The following GALNT2 variants were observed in gnomAD, a reference collection of about 807,000 sequenced individuals.
GALNT2 encodes UDP-GalNAc:polypeptide N-acetylgalactosaminyltransferase 2.
GALNT2 carries 31 observed loss-of-function variants against 81.4 expected under a neutral mutation model. The observed-to-expected ratio is 0.38, with a 90% CI of 0.29 to 0.51. The LOEUF (loss-of-function observed/expected upper bound fraction) is 0.51. Ranked by LOEUF, GALNT2 falls within the 20% of genes least tolerant of loss-of-function variation. The pLI is 0.87. For synonymous variants in GALNT2, 303 were observed against 287.4 expected (o/e 1.05, Z -0.55); for missense variants, 629 against 765.7 (o/e 0.82, Z 2.11).
At chr1:230,058,801 G>A (rs1658978175) in intron 1 of GALNT2, among the ~76,000 whole-genome samples, 1 of 152,126 alleles carries the variant, frequency 6.6e-6, no homozygotes, top group Non-Finnish European at 1.5e-5. Context: ...CGGGGTGTGG[G>A]GATTTTGAGC....
intron 3 of GALNT2, among the ~76,000 whole-genome samples, chr1:230,213,873 CTTG>C (rs1329446977): frequency 6.6e-6 from 1 of 152,162 alleles, no homozygotes; most frequent in Non-Finnish European, 1.5e-5. Context: ...CCTTTGTGCT[CTTG>C]TTGTCATTTA....
At chr1:230,260,668 A>G (rs942233210) in intron 11 of GALNT2, among the ~76,000 whole-genome samples, 19 of 152,232 alleles carry the variant, frequency 1.2e-4, no homozygotes, top group African/African-American at 4.6e-4. Flanking sequence ...AGGTTAAGGC[A>G]TAGGTCACTT....
chr1:230,077,792 G>A (rs1017963498), intron 1 of GALNT2, among the ~76,000 whole-genome samples: 1 of 152,204 alleles, frequency 6.6e-6, no homozygotes, highest in Non-Finnish European at 1.5e-5. Context: ...ATTGGTTCTG[G>A]ACTTTGAAGA....
chr1:230,107,610 T>TTGTGTGTGTGTGTGTGTG (rs3033608), intron 1 of GALNT2, among the ~76,000 whole-genome samples: 4,976 of 140,862 alleles, frequency 0.035, 95 homozygotes, highest in Middle Eastern at 0.099. Flanking sequence ...CTCATGGACT[T>TTGTGTGTGTGTGTGTGTG]TGTGTGTGTG....
At chr1:230,272,125 C>A (rs1011013348) in intron 14 of GALNT2, among the ~76,000 whole-genome samples, 2 of 152,120 alleles carry the variant, frequency 1.3e-5, no homozygotes, top group African/African-American at 4.8e-5. Flanking sequence ...GTTTTAGGAG[C>A]CTTGTGATTG....
At position 230,068,749 on chromosome 1, in the gene GALNT2, T is replaced by C. The variant is rs184088921; in HGVS notation, c.126+1343T>C. Reference sequence around the variant, plus strand: ...GTAAATTACGTGGATTTGTTTTATCTAGAAGGGCAGAAATAAAGCCCTCTT... The same window carrying C: ...GTAAATTACGTGGATTTGTTTTATCCAGAAGGGCAGAAATAAAGCCCTCTT... On this transcript the variant is annotated intron_variant, in intron 1 of 15. Transcript: ENST00000366672. Among the ~76,000 whole-genome samples, 3 of 152,332 alleles carry C rather than the reference T, an allele frequency of 2.0e-5. No homozygotes were observed. In the East Asian group the frequency reaches 5.8e-4, roughly 29 times the overall value.
intron 1 of GALNT2, among the ~76,000 whole-genome samples, chr1:230,091,083 T>TC (rs1553311699): frequency 1.3e-5 from 2 of 149,934 alleles, no homozygotes; most frequent in Non-Finnish European, 3.0e-5. Flanking sequence ...TTCTTTCTTT[T>TC]TTTTTTTGAG....
chr1:230,200,533 T>C (rs996661332), intron 2 of GALNT2, among the ~76,000 whole-genome samples: 9 of 152,224 alleles, frequency 5.9e-5, no homozygotes, highest in Non-Finnish European at 1.2e-4. Flanking sequence ...GCCCTGTGAA[T>C]GACTGGCATT....
chr1:230,264,447 C>T (rs1436720646), intron 13 of GALNT2: 3 of 152,278 alleles, frequency 2.0e-5, no homozygotes, highest in East Asian at 1.9e-4. Context: ...TGTAGTGACA[C>T]TGGGCCCCGC....
At chr1:230,255,452 A>ATT in intron 11 of GALNT2, 108 bp downstream of exon 11, 1 of 1,413,024 alleles carries the variant, frequency 7.1e-7, no homozygotes, top group Non-Finnish European at 9.8e-7. Flanking sequence ...GGTGTGGTGC[A>ATT]TTTATACAAT....
chr1:230,092,596 G>A (rs1006590223), intron 1 of GALNT2, among the ~76,000 whole-genome samples: 22 of 151,814 alleles, frequency 1.4e-4, no homozygotes, highest in Non-Finnish European at 2.5e-4. Context: ...TGCCTGCCTC[G>A]GCCTCCCAAA....
intron 1 of GALNT2, among the ~76,000 whole-genome samples, chr1:230,155,180 C>T (rs909981831): frequency 2.0e-5 from 3 of 152,152 alleles, no homozygotes; most frequent in Non-Finnish European, 2.9e-5. Context: ...TGTGTGAGAG[C>T]GTCACTTTCT....
At chr1:230,125,394 A>C (rs1035227501) in intron 1 of GALNT2, among the ~76,000 whole-genome samples, 1 of 152,234 alleles carries the variant, frequency 6.6e-6, no homozygotes, top group Non-Finnish European at 1.5e-5. Flanking sequence ...CCCCTCCCTC[A>C]GGAGTGTAGC....
rs1465127795 is a variant in GALNT2, at chr1:230,095,758, G to C, written c.126+28352G>C. Among the ~76,000 whole-genome samples, 7 of 152,346 alleles carry C rather than the reference G, an allele frequency of 4.6e-5. No individual in the cohort carries two copies. The East Asian group carries it at 1.2e-3, about 25-fold the overall frequency. The stretch of plus-strand genomic sequence containing the variant: ...GTGGTGCAGGCTCTGTCCTTGAGGG[G>C]CCTGGTAGCCCCACCTGGGTCCCCT... On this transcript the variant is annotated intron_variant, in intron 1 of 15. Transcript: ENST00000366672.
chr1:230,163,754 T>A (rs6666884), intron 1 of GALNT2, among the ~76,000 whole-genome samples: 1 of 152,118 alleles, frequency 6.6e-6, no homozygotes, highest in Non-Finnish European at 1.5e-5. Flanking sequence ...GTAAAATTAC[T>A]GTTTTCTGAA....
intron 1 of GALNT2, among the ~76,000 whole-genome samples, chr1:230,118,032 C>T (rs1660897640): frequency 6.6e-6 from 1 of 152,200 alleles, no homozygotes; most frequent in Admixed American, 6.5e-5. Flanking sequence ...CCCCGATAAC[C>T]ACTGATCTTT....
intron 11 of GALNT2, among the ~76,000 whole-genome samples, chr1:230,256,316 G>A (rs924122773): frequency 6.6e-6 from 1 of 152,054 alleles, no homozygotes; most frequent in Non-Finnish European, 1.5e-5. Context: ...CATAGTGGCA[G>A]GCGCCTATAA....
At chr1:230,083,104 G>A (rs1459920801) in intron 1 of GALNT2, among the ~76,000 whole-genome samples, 1 of 148,652 alleles carries the variant, frequency 6.7e-6, no homozygotes, top group Admixed American at 6.6e-5. Context: ...GGATGATGGA[G>A]CAGGGAGCCA....
chr1:230,118,095 T>C (rs1027499137), intron 1 of GALNT2, among the ~76,000 whole-genome samples: 7 of 152,260 alleles, frequency 4.6e-5, no homozygotes, highest in Admixed American at 2.0e-4. Flanking sequence ...ATTCAGTATG[T>C]AGCCTTTTCA....
Sources: allele counts gnomAD v4.1 joint callset (sites outside exome capture counted in the v4.1 genomes callset), GRCh38; gene constraint gnomAD v4.1.1; transcripts MANE v1.5; gene names NCBI Gene and HGNC (gene_info 2026-07-23, HGNC 2026-07-21).